The following KDM4C variants were observed in gnomAD, a reference collection of about 807,000 sequenced individuals.
The protein encoded by KDM4C is lysine demethylase 4C.
Under a neutral mutation model 129.3 loss-of-function variants are expected in KDM4C, and 81 were observed. The observed-to-expected ratio is 0.63, with a 90% CI of 0.52 to 0.75. The LOEUF is 0.75. KDM4C is among the 30% of genes least tolerant of loss of function. The pLI, the probability that KDM4C is intolerant of heterozygous loss-of-function variation, is 0.00. For missense variants in KDM4C, 1,457 were observed against 1,304.0 expected, an observed-to-expected ratio of 1.12 and a Z score of -1.81; for synonymous variants, 573 against 456.1, an observed-to-expected ratio of 1.26 and a Z score of -3.26.
At chr9:6,910,149 G>T (rs1563798240) in intron 8 of KDM4C, among the ~76,000 whole-genome samples, 4 of 151,976 alleles carry the variant, frequency 2.6e-5, no homozygotes, top group Admixed American at 1.3e-4. Context: ...TATGCTGCAT[G>T]GTTTTTACCT....
At chr9:6,825,873 C>T (rs903301034) in intron 4 of KDM4C, among the ~76,000 whole-genome samples, 15 of 152,172 alleles carry the variant, frequency 9.9e-5, no homozygotes, top group African/African-American at 3.6e-4. Context: ...TGCAGTGTCA[C>T]AATCACAGCT....
chr9:6,970,257 AG>A (rs1440907286), intron 8 of KDM4C, among the ~76,000 whole-genome samples: 1 of 152,252 alleles, frequency 6.6e-6, no homozygotes. Flanking sequence ...TGAATAAAAT[AG>A]CCCTGTTAAG....
At chr9:6,913,769 A>C (rs745495022) in intron 8 of KDM4C, among the ~76,000 whole-genome samples, 2 of 152,234 alleles carry the variant, frequency 1.3e-5, no homozygotes, top group Non-Finnish European at 2.9e-5. Flanking sequence ...CCAGATGACA[A>C]TTCAAACAGT....
intron 19 of KDM4C, among the ~76,000 whole-genome samples, chr9:7,139,869 A>G (rs1841568139): frequency 6.6e-6 from 1 of 152,226 alleles, no homozygotes; most frequent in Admixed American, 6.5e-5. Context: ...TCAGGGGCAT[A>G]AGGCAGAAGG....
In KDM4C at chr9:7,055,737, T is replaced by A. The variant is rs769054165; in HGVS notation, c.2424+6537T>A. ...GCATGTTCTCTTGCCAACTGACTCA[T>A]GTTATCAGATATACTGAATACTAAA... is the stretch of plus-strand genomic sequence containing the variant. On this transcript the variant is annotated intron_variant, in intron 17 of 21. Coordinates refer to ENST00000381309, the MANE Select transcript of KDM4C (RefSeq NM_015061.6). Among the ~76,000 whole-genome samples the A allele has an allele frequency of 1.3e-4, 20 of 152,202 alleles. 1 individual carries two copies. The highest frequency in any genetic ancestry group is 2.5e-4 in the Non-Finnish European group (17 of 68,030).
At chr9:7,080,923 G>C (rs1435249569) in intron 17 of KDM4C, among the ~76,000 whole-genome samples, 1 of 152,180 alleles carries the variant, frequency 6.6e-6, no homozygotes, top group East Asian at 1.9e-4. Context: ...GTTTAAATAA[G>C]TCTTGGTTGA....
intron 4 of KDM4C, among the ~76,000 whole-genome samples, chr9:6,822,756 T>C (rs1833246465): frequency 6.6e-6 from 1 of 152,192 alleles, no homozygotes; most frequent in African/African-American, 2.4e-5. Context: ...AAAGAGGGAC[T>C]GAGAGAAAAT....
At chr9:6,732,667 C>T (rs924450384) in intron 1 of KDM4C, among the ~76,000 whole-genome samples, 3 of 152,106 alleles carry the variant, frequency 2.0e-5, no homozygotes, top group South Asian at 2.1e-4. Context: ...CTTCCTAAAC[C>T]GGGATTGAAC....
chr9:6,783,414 C>T (rs4742264), intron 1 of KDM4C, among the ~76,000 whole-genome samples: 94,754 of 151,976 alleles, frequency 0.62, 29,955 homozygotes, highest in African/African-American at 0.72. Context: ...CAGCTTTATA[C>T]TCATCTTCAA....
rs961122112 is a variant in KDM4C at position 6,789,345 on chromosome 9, C to T, written c.-17-3627C>T. 5.9e-5 allele frequency among the ~76,000 whole-genome samples: 9 copies of T among 151,716 alleles called. No homozygotes were observed. In the East Asian group the frequency reaches 1.2e-3, roughly 19 times the overall value. On this transcript the variant is annotated intron_variant, in intron 1 of 21. Coordinates refer to ENST00000381309, the MANE Select transcript of KDM4C (RefSeq NM_015061.6). ...AAGCAATTCTCCCGCCTCAGCCTCC[C>T]GAATAGCTTGGCTTATAGACATGTG... is the stretch of plus-strand genomic sequence containing the variant.
intron 8 of KDM4C, chr9:6,924,795 T>C (rs1292336805): frequency 2.1e-6 from 2 of 959,138 alleles, no homozygotes; most frequent in African/African-American, 3.5e-5. Flanking sequence ...CTGTATATTC[T>C]TTTTTTTGGT....
intron 12 of KDM4C, among the ~76,000 whole-genome samples, chr9:6,991,811 G>A (rs1818800499): frequency 6.6e-6 from 1 of 152,126 alleles, no homozygotes; most frequent in South Asian, 2.1e-4. Flanking sequence ...AGAGGTGGGA[G>A]CATTGCTTGA....
chr9:6,925,094 A>G, intron 8 of KDM4C: 1 of 985,436 alleles, frequency 1.0e-6, no homozygotes, highest in Non-Finnish European at 1.2e-6. Context: ...TTAGCTTTCT[A>G]GTACAGACCA....
intron 1 of KDM4C, chr9:6,748,858 G>A (rs1449074242): frequency 9.4e-7 from 1 of 1,062,250 alleles, no homozygotes; most frequent in South Asian, 1.2e-5. Context: ...CCTTCTATCT[G>A]CATATTCACT....
At chr9:7,111,069 T>C (rs1364547474) in intron 18 of KDM4C, among the ~76,000 whole-genome samples, 1 of 152,232 alleles carries the variant, frequency 6.6e-6, no homozygotes, top group East Asian at 1.9e-4. Context: ...ACTTCATTCT[T>C]GCTGACCAGA....
intron 1 of KDM4C, among the ~76,000 whole-genome samples, chr9:6,732,178 A>G (rs542580134): frequency 6.6e-6 from 1 of 151,372 alleles, no homozygotes; most frequent in South Asian, 2.1e-4. Flanking sequence ...CATCCTGGCT[A>G]ACACAGTGAA....
intron 1 of KDM4C, among the ~76,000 whole-genome samples, chr9:6,780,829 T>G (rs957289575): frequency 1.4e-5 from 2 of 142,732 alleles, no homozygotes; most frequent in Non-Finnish European, 3.0e-5. Flanking sequence ...TCTCATATAA[T>G]GTAGATTTCA....
At chr9:6,912,676 A>G (rs1200109980) in intron 8 of KDM4C, among the ~76,000 whole-genome samples, 3 of 152,192 alleles carry the variant, frequency 2.0e-5, no homozygotes, top group Non-Finnish European at 4.4e-5. Context: ...GTTTTGCTAT[A>G]GTCCAAAGGC....
intron 8 of KDM4C, among the ~76,000 whole-genome samples, chr9:6,954,403 T>A (rs2057684710): frequency 6.6e-6 from 1 of 152,178 alleles, no homozygotes. Context: ...CCTGCACCCA[T>A]CAGCTCATAA....
Sources: allele counts gnomAD v4.1 joint callset (sites outside exome capture counted in the v4.1 genomes callset), GRCh38; gene constraint gnomAD v4.1.1; transcripts MANE v1.5; gene names NCBI Gene and HGNC (gene_info 2026-07-23, HGNC 2026-07-21).